Variants in CRTAC1 observed in about 807,000 individuals in gnomAD.
CRTAC1 encodes acidic secreted protein in cartilage.
In CRTAC1, 37 loss-of-function variants were observed where a neutral mutation model predicts 67.8. That is an observed-to-expected ratio of 0.55 (90% CI 0.42 to 0.72). The LOEUF is 0.72. Ranked by LOEUF, CRTAC1 falls within the 30% of genes least tolerant of loss-of-function variation. CRTAC1 has a pLI of 0.00. For missense variants in CRTAC1, 780 were observed against 931.6 expected, an observed-to-expected ratio of 0.84 and a Z score of 2.12; for synonymous variants, 348 against 371.0, an observed-to-expected ratio of 0.94 and a Z score of 0.71.
Position 97,865,441 on chromosome 10 carries a change from G to C in CRTAC1, c.*107C>G, listed in dbSNP as rs1339903304. ...TAATGTGCATGGATGGGCTTGGGGA[G>C]GGTCTAGCTCCCAGGCCTTTACATC... On this transcript the variant is annotated 3_prime_UTR_variant, in exon 15 of 15. Transcript: ENST00000370597. 1 of 1,355,660 alleles carries C rather than the reference G, an allele frequency of 7.4e-7. No homozygotes were observed. The highest frequency in any genetic ancestry group is 1.5e-5 in the African/African-American group (1 of 68,722). The allele number at this position is 1,355,660 out of a possible 1,614,324, so 84.0% of individuals were successfully genotyped here.
intron 14 of CRTAC1, chr10:97,879,527 C>G: frequency 1.2e-6 from 1 of 864,906 alleles, no homozygotes; most frequent in Non-Finnish European, 1.7e-6. Context: ...ATCGCCCAAC[C>G]TTCCCTTTTC....
At chr10:97,922,792 A>C (rs1196078324) in intron 4 of CRTAC1, among the ~76,000 whole-genome samples, 1 of 152,118 alleles carries the variant, frequency 6.6e-6, no homozygotes, top group African/African-American at 2.4e-5. Context: ...CCCTTCACCC[A>C]TCTAGGAACC....
At position 97,909,106 on chromosome 10, in the gene CRTAC1, A is replaced by C. The variant is rs189210586; in HGVS notation, c.716-959T>G. On this transcript the variant is annotated intron_variant, in intron 5 of 14. Coordinates refer to ENST00000370597, the MANE Select transcript of CRTAC1 (RefSeq NM_018058.7). ...TATATATGTTTTTTAAAACGGAAAG[A>C]AATCAAGCCAGCTCCACATTGGGCT... Among the ~76,000 whole-genome samples, 8 of 152,336 alleles carry C rather than the reference A, an allele frequency of 5.3e-5. No homozygotes were observed. In the East Asian group the frequency reaches 1.5e-3, roughly 29 times the overall value.
chr10:97,870,910 G>C (rs1009953884), intron 14 of CRTAC1: 1 of 152,190 alleles, frequency 6.6e-6, no homozygotes, highest in African/African-American at 2.4e-5. Context: ...TATCTGAGGA[G>C]AGCATCTACA....
Position 97,865,685 on chromosome 10 carries a change from G to C in CRTAC1, c.1849C>G (p.Pro617Ala). Residue 617 changes from proline to alanine, a missense_variant, in exon 15 of 15, where the codon CCC (proline) becomes GCC (alanine). Coordinates refer to ENST00000370597, the MANE Select transcript of CRTAC1 (RefSeq NM_018058.7). ...GTLGQSPGPRPTTPTAAAATA... is the reference protein window; with the variant it reads ...GTLGQSPGPRATTPTAAAATA... Reference sequence around the variant, plus strand: ...GCAGCAGCAGCGGTGGGGGTGGTGGGGCGGGGGCCCGGTGACTGGCCGAGA... The same window carrying C: ...GCAGCAGCAGCGGTGGGGGTGGTGGCGCGGGGGCCCGGTGACTGGCCGAGA... 6.2e-7 allele frequency: 1 copy of C among 1,607,210 alleles called. No individual in the cohort carries two copies. Among genetic ancestry groups the C allele is most frequent in the South Asian group, 1.1e-5 (1 of 90,214 alleles).
chr10:97,906,135 A>C (rs546635009), intron 6 of CRTAC1, among the ~76,000 whole-genome samples: 1 of 152,184 alleles, frequency 6.6e-6, no homozygotes. Context: ...AGAACCCTGG[A>C]GGCTGAGTGT....
chr10:97,902,258 C>G (rs1188518458), intron 7 of CRTAC1, among the ~76,000 whole-genome samples: 1 of 152,220 alleles, frequency 6.6e-6, no homozygotes, highest in Non-Finnish European at 1.5e-5. Flanking sequence ...ATGTAAAATG[C>G]CTGGCACAGA....
chr10:97,896,834 C>CAA, intron 9 of CRTAC1, 75 bp downstream of exon 9: 4 of 309,982 alleles, frequency 1.3e-5, no homozygotes, highest in Non-Finnish European at 2.8e-5. Context: ...GCTGCCCCGT[C>CAA]CCTCCCGCCC....
At chr10:97,938,584 C>T (rs560602866) in intron 2 of CRTAC1, among the ~76,000 whole-genome samples, 4 of 152,284 alleles carry the variant, frequency 2.6e-5, no homozygotes, top group African/African-American at 9.6e-5. Context: ...CCTATGATGC[C>T]AGCACTCTCA....
At chr10:97,996,078 T>C (rs892553757) in intron 2 of CRTAC1, among the ~76,000 whole-genome samples, 116 of 151,894 alleles carry the variant, frequency 7.6e-4, no homozygotes, top group African/African-American at 2.6e-3. Context: ...ATACAAAAAT[T>C]AATTCAAGAT....
intron 2 of CRTAC1, among the ~76,000 whole-genome samples, chr10:97,984,323 C>T (rs183353545): frequency 2.0e-5 from 3 of 152,212 alleles, no homozygotes; most frequent in African/African-American, 7.2e-5. Context: ...GTCCCTCCCC[C>T]ATCTGAGCAG....
Position 98,009,648 on chromosome 10 carries a change from G to A in CRTAC1, c.224+1490C>T, listed in dbSNP as rs1842869823. 5.3e-5 allele frequency among the ~76,000 whole-genome samples: 8 copies of A among 152,188 alleles called. No individual in the cohort carries two copies. In the South Asian group the frequency reaches 1.5e-3, roughly 28 times the overall value. ...CAGGTCTTTCAATTCCAAGGTCAAAGCTTTCTACTGTTACATGCAACTGCT... is the reference window on the plus strand; with the variant it reads ...CAGGTCTTTCAATTCCAAGGTCAAAACTTTCTACTGTTACATGCAACTGCT... On this transcript the variant is annotated intron_variant, in intron 2 of 14. Transcript: ENST00000370597.
chr10:97,940,941 T>C (rs2051164197), intron 2 of CRTAC1, among the ~76,000 whole-genome samples: 4 of 152,226 alleles, frequency 2.6e-5, no homozygotes, highest in Admixed American at 2.6e-4. Flanking sequence ...CAGCATTTCC[T>C]GTCCCCAAAC....
At chr10:97,916,417 C>T (rs1055658058) in intron 5 of CRTAC1, among the ~76,000 whole-genome samples, 1 of 152,200 alleles carries the variant, frequency 6.6e-6, no homozygotes, top group Non-Finnish European at 1.5e-5. Flanking sequence ...TTCCCACAAA[C>T]TTTGTAAGAC....
intron 2 of CRTAC1, among the ~76,000 whole-genome samples, chr10:97,940,026 G>A (rs2051148932): frequency 6.6e-6 from 1 of 152,198 alleles, no homozygotes; most frequent in Non-Finnish European, 1.5e-5. Context: ...CAGAGTAGGT[G>A]CTCAACAAAT....
At chr10:97,892,997 A>C (rs963691475) in intron 11 of CRTAC1, among the ~76,000 whole-genome samples, 2 of 152,382 alleles carry the variant, frequency 1.3e-5, no homozygotes, top group African/African-American at 4.8e-5. Flanking sequence ...CACACGCTCA[A>C]GGAAGCCTGG....
At chr10:97,888,915 A>G (rs1458928364) in intron 11 of CRTAC1, among the ~76,000 whole-genome samples, 1 of 152,172 alleles carries the variant, frequency 6.6e-6, no homozygotes, top group Non-Finnish European at 1.5e-5. Context: ...AGAATTACAA[A>G]CAAAACAGAT....
intron 14 of CRTAC1, among the ~76,000 whole-genome samples, chr10:97,875,381 C>T (rs541606428): frequency 8.5e-5 from 13 of 152,354 alleles, no homozygotes; most frequent in East Asian, 3.9e-4. Flanking sequence ...TTCTCTCTTG[C>T]GTCTCATTTT....
In CRTAC1 at chr10:98,029,096, A is replaced by G. The variant is rs913964304; in HGVS notation, c.24+1353T>C. 6.6e-6 allele frequency among the ~76,000 whole-genome samples: 1 copy of G among 152,122 alleles called. No homozygotes were observed. Among genetic ancestry groups the G allele is most frequent in the Admixed American group, 6.5e-5 (1 of 15,282 alleles). On this transcript the variant is annotated intron_variant, in intron 1 of 14. Transcript: ENST00000370597. This position sits in a 1 kb window ranked among gnomAD's most constrained non-coding sequence, Gnocchi z 4.7. Reference sequence around the variant, plus strand: ...TTAACCAAGTCAGAGAGAGAGAGAGAACATTTTCTCAAGAACCATGCTGGA... The same window carrying G: ...TTAACCAAGTCAGAGAGAGAGAGAGGACATTTTCTCAAGAACCATGCTGGA...
Sources: allele counts gnomAD v4.1 joint callset (sites outside exome capture counted in the v4.1 genomes callset), GRCh38; gene constraint gnomAD v4.1.1; non-coding constraint Gnocchi (gnomAD v3.1); transcripts MANE v1.5; gene names NCBI Gene and HGNC (gene_info 2026-07-23, HGNC 2026-07-21).